SPATA9: variants seen among roughly 807,000 people sequenced by gnomAD.
SPATA9 encodes spermatogenesis associated 9, also known as spermatogenesis-associated protein 9.
In SPATA9, 27 loss-of-function variants were observed where a neutral mutation model predicts 25.5. That is an observed-to-expected ratio of 1.06 (90% CI 0.78 to 1.46). The LOEUF (loss-of-function observed/expected upper bound fraction) is 1.46. Ranked by LOEUF, SPATA9 falls within the 40% of genes most tolerant of loss-of-function variation. The pLI, the probability that SPATA9 is intolerant of heterozygous loss-of-function variation, is 0.00. For synonymous variants in SPATA9, 102 were observed against 105.7 expected, an observed-to-expected ratio of 0.97 and a Z score of 0.21; for missense variants, 282 against 297.5, an observed-to-expected ratio of 0.95 and a Z score of 0.38.
At chr5:95,673,744 C>CTTTTTTTCTTTTTT (rs1752636493) in intron 3 of SPATA9, among the ~76,000 whole-genome samples, 1 of 148,128 alleles carries the variant, frequency 6.8e-6, no homozygotes. Context: ...TTTTCTTTTT[C>CTTTTTTTCTTTTTT]TTTTTTTCTT....
chr5:95,686,573 T>C (rs1325887058), upstream of SPATA9, among the ~76,000 whole-genome samples: 1 of 152,230 alleles, frequency 6.6e-6, no homozygotes, highest in Non-Finnish European at 1.5e-5. Context: ...AAAAGTTTTA[T>C]ATAAATCAAT....
intron 1 of SPATA9, among the ~76,000 whole-genome samples, chr5:95,695,635 T>G (rs181599171): frequency 1.7e-3 from 263 of 152,312 alleles, no homozygotes; most frequent in African/African-American, 6.0e-3. Flanking sequence ...TACACTCTTA[T>G]ATATTGTTGA....
the SPATA9 span, among the ~76,000 whole-genome samples, chr5:95,711,000 G>A: frequency 1.3e-4 from 20 of 152,000 alleles, no homozygotes; most frequent in African/African-American, 4.8e-4. Context: ...GGGGGCCGCC[G>A]GGTCAAAAGG....
intron 1 of SPATA9, among the ~76,000 whole-genome samples, chr5:95,697,416 G>A (rs1030036100): frequency 1.3e-5 from 2 of 152,174 alleles, no homozygotes; most frequent in African/African-American, 4.8e-5. Flanking sequence ...TTGTCCCATG[G>A]TGAGCAGTTC....
chr5:95,703,531 G>A (rs1754224233), upstream of SPATA9, among the ~76,000 whole-genome samples: 1 of 152,092 alleles, frequency 6.6e-6, no homozygotes, highest in Non-Finnish European at 1.5e-5. Context: ...CTACTTGGGA[G>A]GCTGAGGCAG....
chr5:95,729,745 A>G, the SPATA9 span, among the ~76,000 whole-genome samples: 1 of 152,208 alleles, frequency 6.6e-6, no homozygotes, highest in East Asian at 1.9e-4. Context: ...ACTACTTTAG[A>G]TACTTCATAT....
intron 1 of SPATA9, among the ~76,000 whole-genome samples, chr5:95,693,286 G>T (rs1753934330): frequency 6.6e-6 from 1 of 152,196 alleles, no homozygotes; most frequent in South Asian, 2.1e-4. Context: ...AATGTTCACT[G>T]CTACAATTGA....
the SPATA9 span, among the ~76,000 whole-genome samples, chr5:95,704,635 A>AAAAT: frequency 1.2e-3 from 182 of 152,250 alleles, no homozygotes; most frequent in Non-Finnish European, 2.1e-3. Context: ...TATTGCCTTA[A>AAAAT]AAATAAATAA....
chr5:95,675,101 G>T (rs1418395224), intron 3 of SPATA9, among the ~76,000 whole-genome samples: 2 of 152,044 alleles, frequency 1.3e-5, no homozygotes, highest in African/African-American at 4.8e-5. Context: ...TGAGGAAAAA[G>T]GAACAAAACA....
At chr5:95,688,931 C>G (rs950093369) in intron 1 of SPATA9, among the ~76,000 whole-genome samples, 2 of 152,042 alleles carry the variant, frequency 1.3e-5, no homozygotes, top group Non-Finnish European at 2.9e-5. Context: ...ACATCTCAGC[C>G]AAGCTGAAAA....
chr5:95,696,436 G>A (rs771471552), intron 1 of SPATA9, among the ~76,000 whole-genome samples: 1 of 152,204 alleles, frequency 6.6e-6, no homozygotes, highest in Non-Finnish European at 1.5e-5. Context: ...ATCTGCTTCT[G>A]AATTTAAGCT....
At chr5:95,721,536 T>C in the SPATA9 span, among the ~76,000 whole-genome samples, 10 of 152,212 alleles carry the variant, frequency 6.6e-5, 1 homozygote, top group South Asian at 1.9e-3. Flanking sequence ...ACTAGTAGTA[T>C]AGCTGGAAAG....
chr5:95,666,588 G>A (rs1163158518), intron 3 of SPATA9, among the ~76,000 whole-genome samples: 1 of 152,138 alleles, frequency 6.6e-6, no homozygotes, highest in East Asian at 1.9e-4. Context: ...AATAATAATA[G>A]AGAAAGATCA....
chr5:95,702,175 A>G (rs1754194902), upstream of SPATA9, among the ~76,000 whole-genome samples: 1 of 151,596 alleles, frequency 6.6e-6, no homozygotes, highest in Admixed American at 6.6e-5. Context: ...ACATGACACC[A>G]TAAAGCCCAG....
At position 95,675,408 on chromosome 5, in the gene SPATA9, T is replaced by C; in HGVS notation, c.378+4A>G. On this transcript the variant is annotated splice_donor_region_variant and intron_variant, in intron 3 of 4. Coordinates refer to ENST00000274432, the MANE Select transcript of SPATA9 (RefSeq NM_031952.4). ...GGAATTGTGCATATGCAGTATTCCCTTACCTGAATGTTATATAGGGGTTGC... is the reference window on the plus strand; with the variant it reads ...GGAATTGTGCATATGCAGTATTCCCCTACCTGAATGTTATATAGGGGTTGC... 1 of 1,609,672 alleles carries C rather than the reference T, an allele frequency of 6.2e-7. No individual in the cohort carries two copies. Among genetic ancestry groups the C allele is most frequent in the Non-Finnish European group, 8.5e-7 (1 of 1,177,618 alleles).
At chr5:95,702,696 C>A (rs1431382945), upstream of SPATA9, among the ~76,000 whole-genome samples, 1 of 152,000 alleles carries the variant, frequency 6.6e-6, no homozygotes, top group Admixed American at 6.6e-5. Context: ...GGCAACATAG[C>A]AATACCCCAT....
At chr5:95,691,989 A>T (rs986874860) in intron 1 of SPATA9, among the ~76,000 whole-genome samples, 2 of 152,274 alleles carry the variant, frequency 1.3e-5, no homozygotes, top group Middle Eastern at 6.8e-3. Flanking sequence ...CAAAGTATGT[A>T]TTGGCTTTCC....
the SPATA9 span, among the ~76,000 whole-genome samples, chr5:95,729,098 AATAACT>A: frequency 6.6e-6 from 1 of 152,334 alleles, no homozygotes; most frequent in South Asian, 2.1e-4. Context: ...ATAATCAAGA[AATAACT>A]ATAAGTATAC....
intron 1 of SPATA9, among the ~76,000 whole-genome samples, chr5:95,690,144 C>CTATATAGCAAA (rs1395457000): frequency 9.3e-4 from 142 of 151,992 alleles, no homozygotes; most frequent in Non-Finnish European, 1.1e-3. Context: ...AAGGGTTTAC[C>CTATATAGCAAA]TATATAGCAA....
Sources: allele counts gnomAD v4.1 joint callset (sites outside exome capture counted in the v4.1 genomes callset), GRCh38; gene constraint gnomAD v4.1.1; transcripts MANE v1.5; gene names NCBI Gene and HGNC (gene_info 2026-07-23, HGNC 2026-07-21).